SNRPB: variants seen among roughly 807,000 people sequenced by gnomAD.
The protein encoded by SNRPB is small nuclear ribonucleoprotein polypeptides B and B1.
In SNRPB, 5 loss-of-function variants were observed where a neutral mutation model predicts 26.6. The observed-to-expected ratio is 0.19, with a 90% CI of 0.10 to 0.39. The LOEUF (loss-of-function observed/expected upper bound fraction) is 0.39, where lower values mean the gene tolerates loss of function less well. Among genes scored for constraint, SNRPB ranks in the 10% least tolerant of loss-of-function variants. The pLI is 1.00. For missense variants in SNRPB, 211 were observed against 311.9 expected (o/e 0.68, Z 2.44); for synonymous variants, 122 against 105.8 (o/e 1.15, Z -0.94).
Position 2,461,808 on chromosome 20 carries a change from A to C in SNRPB, c.*121T>G. 1 of 1,613,608 alleles carries C rather than the reference A, an allele frequency of 6.2e-7. No homozygotes were observed. Among genetic ancestry groups the C allele is most frequent in the Non-Finnish European group, 8.5e-7 (1 of 1,179,750 alleles). On this transcript the variant is annotated 3_prime_UTR_variant, in exon 7 of 7. Transcript: ENST00000381342. Reference sequence around the variant, plus strand: ...GGGAGGGGGCCCTGTAAGGGAAACCAGACAATCCCATGAGACTCCACGAAC... The same window carrying C: ...GGGAGGGGGCCCTGTAAGGGAAACCCGACAATCCCATGAGACTCCACGAAC...
Position 2,465,762 on chromosome 20 carries a change from C to G in SNRPB, c.213G>C (p.Leu71=), listed in dbSNP as rs377020976. 1 of 1,613,680 alleles carries G rather than the reference C, an allele frequency of 6.2e-7. No homozygotes were observed. The highest frequency in any genetic ancestry group is 1.3e-5 in the African/African-American group (1 of 74,814). ...TTGAGACCAGATTCTCCCCTCGCAG[C>G]AGCACCAGACCGAGGACTCGCTTCT... ...REEKRVLGLV[L]LRGENLVSMT... The change falls in exon 3 of 7, where the codon CTG becomes CTC. Residue 71 remains leucine (L), a synonymous_variant. Coordinates refer to ENST00000381342, the MANE Select transcript of SNRPB (RefSeq NM_003091.4).
chr20:2,470,628 C>T (rs557239816), intron 1 of SNRPB, 60 bp downstream of exon 1: 2 of 1,608,194 alleles, frequency 1.2e-6, no homozygotes, highest in East Asian at 2.2e-5. Context: ...CGATCAGTCG[C>T]GGTTCCCACT....
chr20:2,467,358 G>T lies in SNRPB; in HGVS notation c.155+249C>A, dbSNP rs751694924. 3.2e-5 allele frequency: 19 copies of T among 589,524 alleles called. No homozygotes were observed. In the Admixed American group the frequency reaches 4.2e-4, roughly 13 times the overall value. 36.5% of individuals were successfully genotyped at this position (589,524 alleles called of 1,614,324 possible). On this transcript the variant is annotated intron_variant, in intron 2 of 6. Coordinates refer to ENST00000381342, the MANE Select transcript of SNRPB (RefSeq NM_003091.4). ...GAGCCCTTTACCCCAGTACCCAGGG[G>T]CACGCAAAGTGAGAGAAACAAAAAG...
intron 1 of SNRPB, among the ~76,000 whole-genome samples, chr20:2,469,076 A>G (rs1600002923): frequency 6.6e-6 from 1 of 152,234 alleles, no homozygotes; most frequent in South Asian, 2.1e-4. Context: ...GTCCAGCTCA[A>G]CTAATGTTTA....
chr20:2,469,817 TCTTC>T (rs1206515177), intron 1 of SNRPB, among the ~76,000 whole-genome samples: 1 of 152,230 alleles, frequency 6.6e-6, no homozygotes, highest in Non-Finnish European at 1.5e-5. Flanking sequence ...TTCCCTTCTT[TCTTC>T]CTTTCTCCTC....
intron 2 of SNRPB, 36 bp from the exon 3 acceptor site, chr20:2,465,855 A>G: frequency 6.5e-7 from 1 of 1,549,550 alleles, no homozygotes; most frequent in Non-Finnish European, 8.9e-7. Flanking sequence ...AAAAAGTGTT[A>G]GAGGTGGGTA....
At chr20:2,470,583 C>G in intron 1 of SNRPB, 105 bp downstream of exon 1, 2 of 1,451,888 alleles carry the variant, frequency 1.4e-6, no homozygotes, top group Non-Finnish European at 1.9e-6. Flanking sequence ...CAGGCCTTCA[C>G]CGCCCTAAGT....
intron 1 of SNRPB, among the ~76,000 whole-genome samples, chr20:2,468,620 T>C (rs2085089454): frequency 6.6e-6 from 1 of 152,222 alleles, no homozygotes. Flanking sequence ...CCTGCAAATA[T>C]GCAGATCAAA....
In SNRPB at chr20:2,470,776, G is replaced by T; in HGVS notation, c.-86C>A. 1 of 1,538,528 alleles carries T rather than the reference G, an allele frequency of 6.5e-7. No individual in the cohort carries two copies. Among genetic ancestry groups the T allele is most frequent in the Non-Finnish European group, 9.0e-7 (1 of 1,117,236 alleles). On this transcript the variant is annotated 5_prime_UTR_variant, in exon 1 of 7. Transcript: ENST00000381342. Reference sequence around the variant, plus strand: ...CTCCCACAGCCGATTTCCCGCCGCCGCTACCGGAAATGCAGCACCACGTAA... The same window carrying T: ...CTCCCACAGCCGATTTCCCGCCGCCTCTACCGGAAATGCAGCACCACGTAA...
At position 2,463,441 on chromosome 20, in the gene SNRPB, G is replaced by C. The variant is rs1300693621; in HGVS notation, c.421-214C>G. Reference sequence around the variant, plus strand: ...ATCTTCTAGACCTGAATGTAAGCATGTCCAATCCAAGTGAGAGAAGGCAAC... The same window carrying C: ...ATCTTCTAGACCTGAATGTAAGCATCTCCAATCCAAGTGAGAGAAGGCAAC... On this transcript the variant is annotated intron_variant, in intron 4 of 6. Transcript: ENST00000381342. The surrounding 1 kb of genome is among the most constrained non-coding windows in gnomAD (Gnocchi z 5.0). 1.3e-5 allele frequency among the ~76,000 whole-genome samples: 2 copies of C among 152,220 alleles called. No homozygotes were observed. The highest frequency in any genetic ancestry group is 2.9e-5 in the Non-Finnish European group (2 of 68,040).
rs1568463891 is a variant in SNRPB at position 2,465,750 on chromosome 20, C to T, written c.225G>A (p.Glu75=). The change falls in exon 3 of 7, where the codon GAG becomes GAA. Residue 75 remains glutamate, a synonymous_variant. Transcript: ENST00000381342. ...RVLGLVLLRG[E]NLVSMTVEGP... is the part of the protein sequence containing the mutation. The stretch of plus-strand genomic sequence containing the variant: ...CCTCTACTGTCATTGAGACCAGATT[C>T]TCCCCTCGCAGCAGCACCAGACCGA... The T allele has an allele frequency of 1.2e-6, 2 of 1,613,796 alleles. No individual in the cohort carries two copies.
In SNRPB at chr20:2,464,572, T is replaced by C. The variant is rs529549378; in HGVS notation, c.268-673A>G. 1.3e-4 allele frequency among the ~76,000 whole-genome samples: 20 copies of C among 152,340 alleles called. No homozygotes were observed. In the East Asian group the frequency reaches 3.3e-3, roughly 25 times the overall value. On this transcript the variant is annotated intron_variant, in intron 3 of 6. Coordinates refer to ENST00000381342, the MANE Select transcript of SNRPB (RefSeq NM_003091.4). The stretch of plus-strand genomic sequence containing the variant: ...AGTCATTAACTTGACTTTAAAAGTG[T>C]TGAGCAACTAGAAAAATGTTAACAT...
chr20:2,465,008 G>A (rs544899417), intron 3 of SNRPB, among the ~76,000 whole-genome samples: 5 of 152,172 alleles, frequency 3.3e-5, no homozygotes, highest in African/African-American at 4.8e-5. Context: ...GAGATCAAAT[G>A]TCAGTTTCAC....
At chr20:2,469,786 C>T (rs1156369109) in intron 1 of SNRPB, among the ~76,000 whole-genome samples, 1 of 152,210 alleles carries the variant, frequency 6.6e-6, no homozygotes, top group Non-Finnish European at 1.5e-5. Context: ...AGTAACTAGC[C>T]TCCTGCCAAT....
intron 2 of SNRPB, 24 bp downstream of exon 2, chr20:2,467,583 C>T (rs758177510): frequency 5.0e-6 from 8 of 1,608,460 alleles, no homozygotes; most frequent in Admixed American, 3.3e-5. Flanking sequence ...CTCCAGTCTC[C>T]GCCCCCCACA....
At chr20:2,467,488 T>C in intron 2 of SNRPB, 119 bp downstream of exon 2, 1 of 948,266 alleles carries the variant, frequency 1.1e-6, no homozygotes, top group Non-Finnish European at 1.6e-6. Context: ...GTCTGCCCTC[T>C]AAAACTGGAG....
At chr20:2,462,989 T>C (rs755337256) in intron 5 of SNRPB, 100 bp downstream of exon 5, 2 of 1,205,726 alleles carry the variant, frequency 1.7e-6, no homozygotes, top group Non-Finnish European at 1.2e-6. Flanking sequence ...TGCTTAATTA[T>C]ACAAACTCAT....
At chr20:2,462,398 T>C (rs2085041157) in intron 6 of SNRPB, among the ~76,000 whole-genome samples, 1 of 152,202 alleles carries the variant, frequency 6.6e-6, no homozygotes, top group Non-Finnish European at 1.5e-5. Flanking sequence ...TTTCATTGTG[T>C]CCTGAGGCCG....
chr20:2,470,652 G>C, intron 1 of SNRPB, 36 bp downstream of exon 1: 1 of 1,613,314 alleles, frequency 6.2e-7, no homozygotes, highest in East Asian at 2.2e-5. Flanking sequence ...CAACAGACTC[G>C]GAAGCTCCCG....
Sources: gnomAD v4.1 joint callset for allele counts (sites outside exome capture counted in the v4.1 genomes callset) on GRCh38, gnomAD v4.1.1 for gene constraint, Gnocchi (gnomAD v3.1) non-coding constraint, MANE v1.5 for transcripts, NCBI Gene and HGNC (gene_info 2026-07-23, HGNC 2026-07-21) for gene names.